Variants in SBF2 observed in about 807,000 individuals in gnomAD.
The protein encoded by SBF2 is SET binding factor 2.
In SBF2, 112 loss-of-function variants were observed where a neutral mutation model predicts 225.2. The ratio of observed to expected loss-of-function variants is 0.50; its 90% CI spans 0.43 to 0.58. The LOEUF is 0.58. Among genes scored for constraint, SBF2 ranks in the 20% least tolerant of loss-of-function variants. SBF2 has a pLI of 0.00. For synonymous variants in SBF2, 763 were observed against 773.3 expected, an observed-to-expected ratio of 0.99 and a Z score of 0.22; for missense variants, 1,996 against 2,206.2, an observed-to-expected ratio of 0.90 and a Z score of 1.91.
At chr11:9,995,210 G>T (rs1217659967) in intron 9 of SBF2, among the ~76,000 whole-genome samples, 2 of 152,160 alleles carry the variant, frequency 1.3e-5, no homozygotes, top group African/African-American at 4.8e-5. Flanking sequence ...AAAAAACAAA[G>T]TAACATTTGA....
At chr11:10,076,109 T>C (rs2134835274) in intron 2 of SBF2, among the ~76,000 whole-genome samples, 1 of 152,340 alleles carries the variant, frequency 6.6e-6, no homozygotes, top group East Asian at 1.9e-4. Context: ...GGTGGAAAAC[T>C]GTGAGTGAAT....
At chr11:10,224,670 T>C (rs1958470457) in intron 1 of SBF2, among the ~76,000 whole-genome samples, 1 of 152,180 alleles carries the variant, frequency 6.6e-6, no homozygotes, top group Admixed American at 6.5e-5. Flanking sequence ...TCTGCATACA[T>C]GGCTGGTTCC....
chr11:10,094,523 C>T (rs1951929902), intron 2 of SBF2, among the ~76,000 whole-genome samples: 2 of 81,740 alleles, frequency 2.4e-5, no homozygotes, highest in East Asian at 4.0e-4. Flanking sequence ...TACAAATACA[C>T]ACAGATTTTT....
intron 2 of SBF2, among the ~76,000 whole-genome samples, chr11:10,064,442 C>T (rs1950561313): frequency 6.6e-6 from 1 of 151,990 alleles, no homozygotes; most frequent in South Asian, 2.1e-4. Flanking sequence ...GAACAGAAAA[C>T]AGTAAAATAA....
At chr11:10,290,371 A>C (rs1348995041) in intron 1 of SBF2, among the ~76,000 whole-genome samples, 1 of 152,062 alleles carries the variant, frequency 6.6e-6, no homozygotes, top group African/African-American at 2.4e-5. Context: ...AGTGAGAAGG[A>C]TATCTTCCAA....
intron 1 of SBF2, among the ~76,000 whole-genome samples, chr11:10,261,102 A>G (rs1175585362): frequency 6.6e-6 from 1 of 152,228 alleles, no homozygotes; most frequent in Non-Finnish European, 1.5e-5. Flanking sequence ...TTAAAATCAC[A>G]ATGAGATACT....
At chr11:9,882,644 T>C (rs1859893867) in intron 17 of SBF2, among the ~76,000 whole-genome samples, 1 of 151,828 alleles carries the variant, frequency 6.6e-6, no homozygotes, top group South Asian at 2.1e-4. Context: ...CCGTCTCTAC[T>C]AAAAATACTA....
At chr11:10,002,763 C>G in intron 6 of SBF2, 74 bp from the exon 7 acceptor site, 1 of 1,447,730 alleles carries the variant, frequency 6.9e-7, no homozygotes, top group Non-Finnish European at 9.7e-7. Context: ...AGACAGTATA[C>G]ACGGAAAGAA....
Position 9,808,641 on chromosome 11 carries a change from G to T in SBF2, c.4257+260C>A, listed in dbSNP as rs552703156. The T allele has an allele frequency of 3.1e-3, 1,350 of 436,164 alleles. 11 individuals are homozygous for T. The highest frequency in any genetic ancestry group is 2.1e-3 in the South Asian group (93 of 45,008). 27.0% of individuals were successfully genotyped at this position (436,164 alleles called of 1,614,324 possible). A position where few individuals can be genotyped will look rare whatever the true frequency, so the allele number is the denominator to read the frequency against. ...GGATGGTCCACGCCTCACACTGCTG[G>T]TCAAGGGCTCCATCCGCAAGCCTGC... is the stretch of plus-strand genomic sequence containing the variant. On this transcript the variant is annotated intron_variant, in intron 31 of 39. Coordinates refer to ENST00000256190, the MANE Select transcript of SBF2 (RefSeq NM_030962.4).
At chr11:10,116,360 T>C (rs1465385767) in intron 2 of SBF2, among the ~76,000 whole-genome samples, 7 of 152,162 alleles carry the variant, frequency 4.6e-5, no homozygotes, top group Admixed American at 4.6e-4. Context: ...GACTGTCATA[T>C]ACCAGGTAAG....
At chr11:10,237,505 T>C (rs1959120624) in intron 1 of SBF2, among the ~76,000 whole-genome samples, 1 of 152,208 alleles carries the variant, frequency 6.6e-6, no homozygotes, top group African/African-American at 2.4e-5. Context: ...ATCATCTCAG[T>C]ACTTAAAACT....
intron 2 of SBF2, among the ~76,000 whole-genome samples, chr11:10,053,751 C>T (rs968172380): frequency 2.7e-5 from 4 of 149,230 alleles, no homozygotes; most frequent in African/African-American, 9.9e-5. Context: ...GAGACCTTGT[C>T]TCGGAAAAAA....
At chr11:9,946,367 T>A (rs1338244768) in intron 16 of SBF2, among the ~76,000 whole-genome samples, 2 of 151,914 alleles carry the variant, frequency 1.3e-5, no homozygotes, top group African/African-American at 2.4e-5. Flanking sequence ...ATGCACCCCC[T>A]GAACCTGAAA....
At chr11:10,297,712 G>A (rs1181571920), upstream of SBF2, among the ~76,000 whole-genome samples, 1 of 152,182 alleles carries the variant, frequency 6.6e-6, no homozygotes, top group African/African-American at 2.4e-5. Flanking sequence ...ATCTGTTACT[G>A]TCATAAGTAG....
intron 13 of SBF2, among the ~76,000 whole-genome samples, chr11:9,982,674 C>A (rs749032079): frequency 1.3e-5 from 2 of 152,164 alleles, no homozygotes; most frequent in Non-Finnish European, 2.9e-5. Flanking sequence ...CAAGAACAAA[C>A]CAGCAATCTG....
intron 2 of SBF2, among the ~76,000 whole-genome samples, chr11:10,161,664 T>C (rs1460316689): frequency 2.0e-5 from 3 of 152,162 alleles, no homozygotes; most frequent in East Asian, 1.9e-4. Context: ...TAGGAGTGAT[T>C]GGTACACTTT....
intron 2 of SBF2, among the ~76,000 whole-genome samples, chr11:10,130,581 CTA>C (rs1394058905): frequency 1.3e-5 from 2 of 151,938 alleles, no homozygotes; most frequent in African/African-American, 4.8e-5. Context: ...GTGTATAGTT[CTA>C]TGTCATTTTA....
At chr11:10,294,687 G>C (rs559934902), upstream of SBF2, among the ~76,000 whole-genome samples, 139 of 151,862 alleles carry the variant, frequency 9.2e-4, no homozygotes, top group African/African-American at 3.0e-3. Context: ...ACATGCCACC[G>C]AGCAGACGGG....
At chr11:10,226,520 C>T (rs1233321452) in intron 1 of SBF2, among the ~76,000 whole-genome samples, 2 of 150,628 alleles carry the variant, frequency 1.3e-5, no homozygotes, top group Non-Finnish European at 3.0e-5. Flanking sequence ...TGATGTACCC[C>T]TTTCTGTGTC....
Sources: allele counts gnomAD v4.1 joint callset (sites outside exome capture counted in the v4.1 genomes callset), GRCh38; gene constraint gnomAD v4.1.1; transcripts MANE v1.5; gene names NCBI Gene and HGNC (gene_info 2026-07-23, HGNC 2026-07-21).